PLEKHB2: variants seen among roughly 807,000 people sequenced by gnomAD.
PLEKHB2 encodes the protein pleckstrin homology domain containing B2.
Under a neutral mutation model 36.5 loss-of-function variants are expected in PLEKHB2, and 31 were observed. The observed-to-expected ratio is 0.85, with a 90% confidence interval of 0.64 to 1.15. PLEKHB2 has a LOEUF of 1.15. PLEKHB2 is among the 50% of genes most tolerant of loss of function. The pLI, the probability that PLEKHB2 is intolerant of heterozygous loss-of-function variation, is 0.00. For synonymous variants in PLEKHB2, 119 were observed against 112.0 expected, an observed-to-expected ratio of 1.06 and a Z score of -0.39; for missense variants, 262 against 295.3, an observed-to-expected ratio of 0.89 and a Z score of 0.83.
At chr2:131,131,901 T>C (rs1682232813) in intron 5 of PLEKHB2, among the ~76,000 whole-genome samples, 1 of 151,928 alleles carries the variant, frequency 6.6e-6, no homozygotes, top group African/African-American at 2.4e-5. Context: ...TGGAGCGATC[T>C]CGGCTCACTG....
intron 1 of PLEKHB2, among the ~76,000 whole-genome samples, chr2:131,110,097 AGAG>A (rs1311404584): frequency 6.6e-6 from 1 of 152,010 alleles, no homozygotes; most frequent in African/African-American, 2.4e-5. Flanking sequence ...CCTGGGTGAC[AGAG>A]TGAGACTCCG....
intron 6 of PLEKHB2, among the ~76,000 whole-genome samples, chr2:131,135,899 C>T (rs931100108): frequency 2.6e-5 from 4 of 152,062 alleles, no homozygotes; most frequent in African/African-American, 4.8e-5. Flanking sequence ...TGAGCCACCG[C>T]GCCCGGCCAG....
intron 2 of PLEKHB2, among the ~76,000 whole-genome samples, chr2:131,123,378 G>A (rs1361662363): frequency 6.6e-6 from 1 of 152,214 alleles, no homozygotes; most frequent in Non-Finnish European, 1.5e-5. Context: ...ATTGCCACAT[G>A]TACTGTTGGG....
intron 6 of PLEKHB2, among the ~76,000 whole-genome samples, chr2:131,139,651 G>T (rs1428909284): frequency 6.6e-6 from 1 of 152,172 alleles, no homozygotes; most frequent in Non-Finnish European, 1.5e-5. Context: ...TTTCATAGGT[G>T]TGTGCAGCCA....
At chr2:131,118,906 C>CAGAAAACAAA (rs1228603263) in intron 1 of PLEKHB2, 1 of 114,148 alleles carries the variant, frequency 8.8e-6, no homozygotes, top group Non-Finnish European at 1.8e-5. Flanking sequence ...AAAGCTAAAG[C>CAGAAAACAAA]AGAAAACAAA....
chr2:131,120,736 G>A, intron 1 of PLEKHB2, 198 bp from the exon 2 acceptor site: 1 of 645,612 alleles, frequency 1.5e-6, no homozygotes, highest in Non-Finnish European at 2.8e-6. Flanking sequence ...GAGTGTGGGA[G>A]GAAGGGAGGG....
In PLEKHB2 at chr2:131,140,251, G is replaced by T; in HGVS notation, c.508G>T (p.Val170Leu). The part of the protein sequence containing the change: ...VYAANGQAYA[V>L]PYQYPYAGLY... ...CGCTGCGAATGGGCAGGCGTATGCC[G>T]TGCCCTACCAGTACCCATATGCAGG... The change falls in exon 7 of 8, where the codon GTG becomes TTG. Residue 170 changes from valine to leucine, a missense_variant. Val to Leu is a conservative substitution (Grantham distance 32). Transcript: ENST00000693505. The T allele has an allele frequency of 1.2e-6, 2 of 1,604,634 alleles. No homozygotes were observed. The highest frequency in any genetic ancestry group is 1.7e-6 in the Non-Finnish European group (2 of 1,171,788).
At chr2:131,143,428 ATC>A (rs993050699) in intron 7 of PLEKHB2, among the ~76,000 whole-genome samples, 2 of 152,212 alleles carry the variant, frequency 1.3e-5, no homozygotes, top group Non-Finnish European at 2.9e-5. Context: ...CTAATCTTTT[ATC>A]TCTACCTCAG....
rs1159159452 is a variant in PLEKHB2, at chr2:131,136,323, GCTGAGGCAATCCTCTTGCCTCAGCCTC to G, written c.423+3338_423+3364del. 2.9e-4 allele frequency among the ~76,000 whole-genome samples: 44 copies of G among 150,798 alleles called. 1 individual carries two copies. Among genetic ancestry groups the G allele is most frequent in the African/African-American group, 1.0e-3 (42 of 40,528 alleles). On this transcript the variant is annotated intron_variant, in intron 6 of 7. Transcript: ENST00000693505. Reference sequence around the variant, plus strand: ...GCTCACTTCAGCCTGGAATTCCTGGGCTGAGGCAATCCTCTTGCCTCAGCCTCCTGAGCCACCATGGCTGCAAAAAAA... The same window carrying G: ...GCTCACTTCAGCCTGGAATTCCTGGGCTGAGCCACCATGGCTGCAAAAAAA...
intron 7 of PLEKHB2, among the ~76,000 whole-genome samples, chr2:131,141,828 T>C (rs1466382035): frequency 6.6e-6 from 1 of 152,200 alleles, no homozygotes; most frequent in African/African-American, 2.4e-5. Context: ...GACTAATTGG[T>C]ATAAACAAGA....
chr2:131,116,164 A>G (rs1473030657), intron 1 of PLEKHB2, among the ~76,000 whole-genome samples: 1 of 152,212 alleles, frequency 6.6e-6, no homozygotes, highest in Non-Finnish European at 1.5e-5. Flanking sequence ...ATATAGGCAC[A>G]TGAAAGATAC....
At chr2:131,126,456 T>C (rs891618815) in intron 3 of PLEKHB2, among the ~76,000 whole-genome samples, 3 of 151,724 alleles carry the variant, frequency 2.0e-5, no homozygotes, top group African/African-American at 7.3e-5. Flanking sequence ...AACCCGGGAG[T>C]CAGAGGTTGC....
intron 1 of PLEKHB2, among the ~76,000 whole-genome samples, chr2:131,117,976 A>C (rs1696058625): frequency 6.6e-6 from 1 of 152,184 alleles, no homozygotes; most frequent in African/African-American, 2.4e-5. Context: ...TGATTGTTTT[A>C]GGATATTTTA....
At chr2:131,136,974 C>T (rs1434331887) in intron 6 of PLEKHB2, among the ~76,000 whole-genome samples, 1 of 138,332 alleles carries the variant, frequency 7.2e-6, no homozygotes, top group South Asian at 2.2e-4. Context: ...GAGACGGAGT[C>T]TCACTCTTGT....
chr2:131,105,772 C>T (rs906905634), intron 1 of PLEKHB2, among the ~76,000 whole-genome samples: 3 of 152,166 alleles, frequency 2.0e-5, no homozygotes, highest in African/African-American at 4.8e-5. Context: ...TTCCCGACTG[C>T]AGCCTCCGCC....
At chr2:131,136,149 T>TGCCCGG in intron 6 of PLEKHB2, among the ~76,000 whole-genome samples, 1 of 147,940 alleles carries the variant, frequency 6.8e-6, no homozygotes, top group Admixed American at 6.7e-5. Flanking sequence ...TGCCTGCCTG[T>TGCCCGG]CTTCCTGCCT....
At chr2:131,132,721 A>G (rs1697832538) in intron 5 of PLEKHB2, among the ~76,000 whole-genome samples, 181 bp from the exon 6 acceptor site, 1 of 152,142 alleles carries the variant, frequency 6.6e-6, no homozygotes. Flanking sequence ...CATTTAGAGG[A>G]TACCAGAATA....
chr2:131,143,986 C>A (rs893086784), intron 7 of PLEKHB2, among the ~76,000 whole-genome samples: 28 of 152,202 alleles, frequency 1.8e-4, no homozygotes, highest in African/African-American at 6.5e-4. Context: ...ACATAAGGGG[C>A]TGAGTCAGTA....
chr2:131,123,425 G>A (rs528279355), intron 2 of PLEKHB2, among the ~76,000 whole-genome samples: 1 of 152,326 alleles, frequency 6.6e-6, no homozygotes, highest in South Asian at 2.1e-4. Context: ...CCTGACTTGG[G>A]AGTCTGCAGC....
Sources: gnomAD v4.1 joint callset for allele counts (sites outside exome capture counted in the v4.1 genomes callset) on GRCh38, gnomAD v4.1.1 for gene constraint, MANE v1.5 for transcripts, NCBI Gene and HGNC (gene_info 2026-07-23, HGNC 2026-07-21) for gene names.